RBFOX3: variants seen among roughly 807,000 people sequenced by gnomAD.
RBFOX3 encodes the protein RNA binding fox-1 homolog 3, also known as RNA binding protein fox-1 homolog 3.
RBFOX3 carries 17 observed loss-of-function variants against 48.7 expected under a neutral mutation model. The observed-to-expected ratio is 0.35, with a 90% CI of 0.24 to 0.52. The LOEUF (loss-of-function observed/expected upper bound fraction) is 0.52, where lower values mean the gene tolerates loss of function less well. RBFOX3 is among the 20% of genes least tolerant of loss of function. RBFOX3 has a pLI of 0.94. For missense variants in RBFOX3, 382 were observed against 497.5 expected (o/e 0.77, Z 2.21); for synonymous variants, 212 against 209.5 (o/e 1.01, Z -0.10).
chr17:79,488,478 G>T (rs1320877740), intron 1 of RBFOX3, among the ~76,000 whole-genome samples: 2 of 152,174 alleles, frequency 1.3e-5, no homozygotes, highest in African/African-American at 4.8e-5. Flanking sequence ...CTCAGAGCAT[G>T]CTACACTCCA....
chr17:79,616,582 A>ACACACACAC, the RBFOX3 span, among the ~76,000 whole-genome samples: 15 of 145,740 alleles, frequency 1.0e-4, no homozygotes, highest in African/African-American at 3.6e-4. Flanking sequence ...TCTCTATACA[A>ACACACACAC]ACACACACAC....
rs2076789591 is a variant in RBFOX3, at chr17:79,311,097, C to A, written c.-174-3273G>T. Among the ~76,000 whole-genome samples, 1 of 152,190 alleles carries A rather than the reference C, an allele frequency of 6.6e-6. No homozygotes were observed. The highest frequency in any genetic ancestry group is 2.4e-5 in the African/African-American group (1 of 41,438). On this transcript the variant is annotated intron_variant, in intron 2 of 14. Transcript: ENST00000693108. This position sits in a 1 kb window ranked among gnomAD's most constrained non-coding sequence, Gnocchi z 4.2. ...CATCCGGTCAGTTAAAAGGCCTTAA[C>A]AGCAAAAACTAAGGTTCCCTGGGGA...
chr17:79,307,534 T>C (rs929588597), intron 3 of RBFOX3, among the ~76,000 whole-genome samples, 190 bp downstream of exon 3: 1 of 152,194 alleles, frequency 6.6e-6, no homozygotes, highest in African/African-American at 2.4e-5. Flanking sequence ...GAAGGGCAGG[T>C]GAAAAGCACA....
In RBFOX3 at chr17:79,470,653, C is replaced by T. The variant is rs906966775; in HGVS notation, c.-175+11801G>A. Among the ~76,000 whole-genome samples the T allele has an allele frequency of 1.6e-4, 25 of 151,936 alleles. No homozygotes were observed. In the Middle Eastern group the frequency reaches 0.01, roughly 62 times the overall value. ...TGAGGGTGGCTGGCCACACAGCCCA[C>T]GCATGTGCCTCCTCTCAAAGTATCC... On this transcript the variant is annotated intron_variant, in intron 2 of 14. Coordinates refer to ENST00000693108, the MANE Select transcript of RBFOX3 (RefSeq NM_001350451.2).
chr17:79,239,722 C>T (rs953863705), intron 3 of RBFOX3, among the ~76,000 whole-genome samples: 2 of 152,238 alleles, frequency 1.3e-5, no homozygotes, highest in Admixed American at 6.5e-5. Flanking sequence ...TCTTAGAGGT[C>T]CTGGTGTCCC....
rs73411359 is a variant in RBFOX3 at position 79,451,219 on chromosome 17, A to G, written c.-175+31235T>C. On this transcript the variant is annotated intron_variant, in intron 2 of 14. Coordinates refer to ENST00000693108, the MANE Select transcript of RBFOX3 (RefSeq NM_001350451.2). The stretch of plus-strand genomic sequence containing the variant: ...AGAAGTTATATCTAAACACCTGAGT[A>G]GTAAATGAGAAAAAAAAATACATTA... Among the ~76,000 whole-genome samples the G allele has an allele frequency of 6.5e-3, 984 of 152,328 alleles. 10 individuals carry two copies. The highest frequency in any genetic ancestry group is 0.022 in the African/African-American group (933 of 41,574).
At chr17:79,143,386 G>A (rs996597873) in intron 4 of RBFOX3, among the ~76,000 whole-genome samples, 8 of 141,924 alleles carry the variant, frequency 5.6e-5, no homozygotes, top group South Asian at 2.5e-4. Flanking sequence ...GGGGTGGGGG[G>A]GGGTTCTATA....
chr17:79,586,250 G>A (rs895588824), intron 1 of RBFOX3, among the ~76,000 whole-genome samples: 49 of 152,280 alleles, frequency 3.2e-4, no homozygotes, highest in African/African-American at 9.9e-4. Context: ...TTTCTGTCCC[G>A]GGACCCAGGC....
intron 2 of RBFOX3, among the ~76,000 whole-genome samples, chr17:79,459,674 A>G (rs782259625): frequency 1.3e-5 from 2 of 152,114 alleles, no homozygotes; most frequent in Non-Finnish European, 2.9e-5. Context: ...AAAGGCTAAG[A>G]ATAAGGTCCC....
At chr17:79,446,485 C>A (rs377239381) in intron 2 of RBFOX3, among the ~76,000 whole-genome samples, 23 of 152,290 alleles carry the variant, frequency 1.5e-4, no homozygotes, top group African/African-American at 4.8e-4. Context: ...TCAGACCAAA[C>A]TGAAGACTAG....
chr17:79,382,715 C>T (rs2060077680), intron 2 of RBFOX3, among the ~76,000 whole-genome samples: 2 of 152,234 alleles, frequency 1.3e-5, no homozygotes, highest in South Asian at 4.1e-4. Flanking sequence ...GAATGCCATT[C>T]ACCCAATGTG....
chr17:79,508,846 C>T (rs2083606986), intron 1 of RBFOX3: 1 of 152,450 alleles, frequency 6.6e-6, no homozygotes, highest in South Asian at 2.1e-4. Context: ...GCGAGGTGCC[C>T]CTGGCTGCAT....
chr17:79,639,099 G>A, the RBFOX3 span, among the ~76,000 whole-genome samples: 1 of 152,028 alleles, frequency 6.6e-6, no homozygotes, highest in African/African-American at 2.4e-5. Flanking sequence ...ACTAATACTA[G>A]TTCTTCTTAA....
intron 1 of RBFOX3, among the ~76,000 whole-genome samples, chr17:79,561,421 A>G (rs968435413): frequency 2.0e-5 from 3 of 152,074 alleles, no homozygotes; most frequent in Non-Finnish European, 4.4e-5. Flanking sequence ...CCCAAGGATT[A>G]AGGGTGAGCA....
the RBFOX3 span, among the ~76,000 whole-genome samples, chr17:79,620,487 G>GCA: frequency 7.9e-6 from 1 of 126,506 alleles, no homozygotes; most frequent in Non-Finnish European, 1.5e-5. Flanking sequence ...ACACGCACGT[G>GCA]CACACACGCG....
At chr17:79,250,249 C>A (rs1476140628) in intron 3 of RBFOX3, among the ~76,000 whole-genome samples, 1 of 152,208 alleles carries the variant, frequency 6.6e-6, no homozygotes, top group Admixed American at 6.5e-5. Flanking sequence ...GAACGTCCAT[C>A]TGCAACTAAC....
intron 3 of RBFOX3, among the ~76,000 whole-genome samples, chr17:79,239,503 G>T (rs147238063): frequency 2.6e-5 from 4 of 152,198 alleles, no homozygotes; most frequent in Non-Finnish European, 5.9e-5. Context: ...CCCAGACAGA[G>T]CAAGACCCGC....
the RBFOX3 span, among the ~76,000 whole-genome samples, chr17:79,636,769 T>A: frequency 2.0e-5 from 3 of 151,826 alleles, no homozygotes; most frequent in Non-Finnish European, 4.4e-5. Flanking sequence ...TACAAAACAA[T>A]CAGAAAACAA....
chr17:79,104,135 A>G lies in RBFOX3; in HGVS notation c.361-9T>C. On this transcript the variant is annotated splice_polypyrimidine_tract_variant and intron_variant, in intron 6 of 14. Transcript: ENST00000693108. ...AAAATTTTTCCGAATTGCTGCAGAG[A>G]CAGAGACAAAGAGGGAGTGGGGCAG... is the stretch of plus-strand genomic sequence containing the variant. 1.9e-6 allele frequency: 3 copies of G among 1,550,792 alleles called. No individual in the cohort carries two copies. The highest frequency in any genetic ancestry group is 2.6e-6 in the Non-Finnish European group (3 of 1,146,404).
Sources: allele counts gnomAD v4.1 joint callset (sites outside exome capture counted in the v4.1 genomes callset), GRCh38; gene constraint gnomAD v4.1.1; non-coding constraint Gnocchi (gnomAD v3.1); transcripts MANE v1.5; gene names NCBI Gene and HGNC (gene_info 2026-07-23, HGNC 2026-07-21).